Variants in RBMS3 observed in about 807,000 individuals in gnomAD.
The protein encoded by RBMS3 is RNA binding motif single stranded interacting protein 3, also known as RNA-binding motif, single-stranded-interacting protein 3.
In RBMS3, 27 loss-of-function variants were observed where a neutral mutation model predicts 66.8. The ratio of observed to expected loss-of-function variants is 0.40; its 90% confidence interval spans 0.30 to 0.56. The LOEUF is 0.56. Ranked by LOEUF, RBMS3 falls within the 20% of genes least tolerant of loss-of-function variation. RBMS3 has a pLI of 0.40. For missense variants in RBMS3, 513 were observed against 549.5 expected (o/e 0.93, Z 0.66); for synonymous variants, 188 against 183.0 (o/e 1.03, Z -0.22).
intron 3 of RBMS3, among the ~76,000 whole-genome samples, chr3:29,549,980 A>C (rs1459403951): frequency 2.0e-5 from 3 of 152,136 alleles, no homozygotes; most frequent in Non-Finnish European, 4.4e-5. Flanking sequence ...AAACAAAAAC[A>C]ACCAAACATA....
At chr3:29,332,970 GTTA>G (rs1302154188) in intron 1 of RBMS3, among the ~76,000 whole-genome samples, 5 of 151,998 alleles carry the variant, frequency 3.3e-5, no homozygotes, top group African/African-American at 7.2e-5. Flanking sequence ...GATTTTACTA[GTTA>G]TTATTTTCTC....
intron 6 of RBMS3, among the ~76,000 whole-genome samples, chr3:29,798,750 A>G (rs1032971539): frequency 2.6e-5 from 4 of 152,146 alleles, no homozygotes; most frequent in African/African-American, 9.7e-5. Context: ...TAGTGATGCA[A>G]TTTGGTGTCT....
At chr3:29,285,569 C>G (rs2032255652) in intron 1 of RBMS3, among the ~76,000 whole-genome samples, 1 of 152,062 alleles carries the variant, frequency 6.6e-6, no homozygotes, top group African/African-American at 2.4e-5. Flanking sequence ...CCTTCTGGTT[C>G]CCCAGAAGGT....
intron 3 of RBMS3, among the ~76,000 whole-genome samples, chr3:29,517,301 GTGTGTGTATA>G (rs1559429889): frequency 3.0e-5 from 4 of 134,268 alleles, no homozygotes; most frequent in South Asian, 2.5e-4. Flanking sequence ...GTGTGTGTGT[GTGTGTGTATA>G]TATATATATT....
At chr3:29,589,869 ACT>A (rs1282768632) in intron 4 of RBMS3, among the ~76,000 whole-genome samples, 1 of 151,900 alleles carries the variant, frequency 6.6e-6, no homozygotes, top group Non-Finnish European at 1.5e-5. Context: ...TATTACCAAC[ACT>A]CTAGTTTCCC....
At chr3:29,340,058 G>T (rs1309813711) in intron 1 of RBMS3, among the ~76,000 whole-genome samples, 1 of 152,106 alleles carries the variant, frequency 6.6e-6, no homozygotes, top group Non-Finnish European at 1.5e-5. Context: ...TCTACTGATA[G>T]ATATCTTCTA....
intron 6 of RBMS3, among the ~76,000 whole-genome samples, chr3:29,860,093 C>A (rs2149533083): frequency 6.6e-6 from 1 of 152,308 alleles, no homozygotes; most frequent in East Asian, 1.9e-4. Flanking sequence ...TGGGTTCCAG[C>A]ATACAGTTAG....
chr3:29,571,222 A>C (rs963942417), intron 3 of RBMS3, among the ~76,000 whole-genome samples: 1 of 152,134 alleles, frequency 6.6e-6, no homozygotes, highest in African/African-American at 2.4e-5. Flanking sequence ...TTTACTGATT[A>C]TCAATCTGTC....
intron 4 of RBMS3, among the ~76,000 whole-genome samples, chr3:29,703,779 C>A (rs1232856120): frequency 6.6e-6 from 1 of 152,174 alleles, no homozygotes; most frequent in African/African-American, 2.4e-5. Context: ...GGATCCCCAA[C>A]CCTACAGGTT....
intron 6 of RBMS3, among the ~76,000 whole-genome samples, chr3:29,777,181 A>G (rs1168151989): frequency 6.6e-6 from 1 of 151,714 alleles, no homozygotes; most frequent in African/African-American, 2.4e-5. Context: ...CTGATTTCCA[A>G]CTTCCCTTTC....
At chr3:29,797,046 C>T (rs1312281874) in intron 6 of RBMS3, among the ~76,000 whole-genome samples, 2 of 151,960 alleles carry the variant, frequency 1.3e-5, no homozygotes, top group East Asian at 3.9e-4. Flanking sequence ...TTCCATTAGC[C>T]CCTAATGAGA....
At chr3:29,809,550 A>G (rs2057666398) in intron 6 of RBMS3, among the ~76,000 whole-genome samples, 1 of 151,934 alleles carries the variant, frequency 6.6e-6, no homozygotes, top group South Asian at 2.1e-4. Flanking sequence ...GCCAATTTTC[A>G]TTACTAATAT....
chr3:29,690,870 T>A (rs1280575628), intron 4 of RBMS3, among the ~76,000 whole-genome samples: 2 of 152,222 alleles, frequency 1.3e-5, no homozygotes, highest in Non-Finnish European at 2.9e-5. Context: ...ATTTTAGGAA[T>A]TTTTGTATCA....
At chr3:29,397,684 C>T (rs1009621814) in intron 1 of RBMS3, among the ~76,000 whole-genome samples, 3 of 152,042 alleles carry the variant, frequency 2.0e-5, no homozygotes, top group African/African-American at 4.8e-5. Flanking sequence ...TGCTCTTCAC[C>T]CCTCCCCCTT....
At chr3:29,618,978 T>C (rs973689831) in intron 4 of RBMS3, among the ~76,000 whole-genome samples, 11 of 152,114 alleles carry the variant, frequency 7.2e-5, no homozygotes, top group African/African-American at 2.4e-4. Flanking sequence ...GAAAACATTT[T>C]TCAAGATCTT....
chr3:29,839,006 ATCC>A (rs2058598519), intron 6 of RBMS3, among the ~76,000 whole-genome samples: 1 of 152,162 alleles, frequency 6.6e-6, no homozygotes, highest in African/African-American at 2.4e-5. Flanking sequence ...CCTTTTGTGA[ATCC>A]TCCTCATTAC....
chr3:29,409,097 T>C (rs1161787861), intron 1 of RBMS3, among the ~76,000 whole-genome samples: 3 of 152,228 alleles, frequency 2.0e-5, no homozygotes, highest in Admixed American at 1.3e-4. Flanking sequence ...GCAAGTTAGC[T>C]GTCCATTAGA....
intron 4 of RBMS3, among the ~76,000 whole-genome samples, chr3:29,704,065 C>G (rs546559737): frequency 6.6e-6 from 1 of 152,182 alleles, no homozygotes; most frequent in Non-Finnish European, 1.5e-5. Context: ...CCAGATTGGA[C>G]TGTCTAGTTG....
intron 3 of RBMS3, among the ~76,000 whole-genome samples, chr3:29,524,075 C>T (rs2044977516): frequency 6.6e-6 from 1 of 152,122 alleles, no homozygotes; most frequent in African/African-American, 2.4e-5. Flanking sequence ...ACCCTATGAG[C>T]TTCCTGATAA....
Sources: gnomAD v4.1 joint callset for allele counts (sites outside exome capture counted in the v4.1 genomes callset) on GRCh38, gnomAD v4.1.1 for gene constraint, MANE v1.5 for transcripts, NCBI Gene and HGNC (gene_info 2026-07-23, HGNC 2026-07-21) for gene names.